Variants in VWA2 observed in about 807,000 individuals in gnomAD.
VWA2 encodes the protein von Willebrand factor A domain containing 2, also known as von Willebrand factor A domain-containing protein 2.
Under a neutral mutation model 70.4 loss-of-function variants are expected in VWA2, and 73 were observed. The ratio of observed to expected loss-of-function variants is 1.04; its 90% CI spans 0.86 to 1.26. The LOEUF is 1.26. Among genes scored for constraint, VWA2 ranks in the 50% most tolerant of loss-of-function variants. The pLI, the probability that VWA2 is intolerant of heterozygous loss-of-function variation, is 0.00. For synonymous variants in VWA2, 407 were observed against 423.3 expected (o/e 0.96, Z 0.47); for missense variants, 1,011 against 998.5 (o/e 1.01, Z -0.17).
At chr10:114,265,262 A>G (rs536837613) in intron 5 of VWA2, among the ~76,000 whole-genome samples, 6 of 152,330 alleles carry the variant, frequency 3.9e-5, no homozygotes, top group African/African-American at 1.4e-4. Flanking sequence ...TAAGTTATCA[A>G]TAAGGTAGTT....
rs1404617283 is a variant in VWA2, at chr10:114,293,730, T to A, written c.*2493T>A. Among the ~76,000 whole-genome samples, 1 of 152,236 alleles carries A rather than the reference T, an allele frequency of 6.6e-6. No homozygotes were observed. The highest frequency in any genetic ancestry group is 1.5e-5 in the Non-Finnish European group (1 of 68,038). ...TTTCTCTGAACGATCCTGATTCCAG[T>A]CATCTTGTTGAATACCCTAGTTCTA... On this transcript the variant is annotated 3_prime_UTR_variant, in exon 14 of 14. Transcript: ENST00000392982.
chr10:114,291,619 A>G lies in VWA2; in HGVS notation c.*382A>G, dbSNP rs77934399. ...GCGGCCTGACGTTCCTTTGCACACA[A>G]TCAATGCTCGCCAGAATGTTGTTGA... On this transcript the variant is annotated 3_prime_UTR_variant, in exon 14 of 14. Coordinates refer to ENST00000392982, the MANE Select transcript of VWA2 (RefSeq NM_001272046.2). 4.8e-6 allele frequency: 1 copy of G among 206,608 alleles called. No individual in the cohort carries two copies. The highest frequency in any genetic ancestry group is 5.2e-5 in the Admixed American group (1 of 19,146). 12.8% of individuals were successfully genotyped at this position (206,608 alleles called of 1,614,324 possible).
At chr10:114,246,204 G>T in intron 1 of VWA2, 1 of 1,128,056 alleles carries the variant, frequency 8.9e-7, no homozygotes, top group South Asian at 1.2e-5. Context: ...ACCTACAAAA[G>T]AATATCACGG....
Position 114,291,515 on chromosome 10 carries a change from C to T in VWA2, c.*278C>T. 1 of 437,790 alleles carries T rather than the reference C, an allele frequency of 2.3e-6. No individual in the cohort carries two copies. The allele number at this position is 437,790 out of a possible 1,614,324, so 27.1% of individuals were successfully genotyped here. On this transcript the variant is annotated 3_prime_UTR_variant, in exon 14 of 14. Coordinates refer to ENST00000392982, the MANE Select transcript of VWA2 (RefSeq NM_001272046.2). ...GTAAGTAAATACCCACTTTCTGTAC[C>T]TGCTGTGCCTTGTTGAGGCTATGTC...
chr10:114,253,866 A>C lies in VWA2; in HGVS notation c.127+141A>C, dbSNP rs559116377. 4 of 787,998 alleles carry C rather than the reference A, an allele frequency of 5.1e-6. No homozygotes were observed. In the African/African-American group the frequency reaches 5.3e-5, roughly 11 times the overall value. 48.8% of individuals were successfully genotyped at this position (787,998 alleles called of 1,614,324 possible). A position where few individuals can be genotyped will look rare whatever the true frequency, so the allele number is the denominator to read the frequency against. On this transcript the variant is annotated intron_variant, in intron 3 of 13. Transcript: ENST00000392982. ...GCTCTGGCCAGAGTCATTTTCCCCAAACAGGGACCTGACCAAATCACTTGG... is the reference window on the plus strand; with the variant it reads ...GCTCTGGCCAGAGTCATTTTCCCCACACAGGGACCTGACCAAATCACTTGG...
intron 4 of VWA2, among the ~76,000 whole-genome samples, chr10:114,257,262 C>T (rs1443335242): frequency 6.6e-6 from 1 of 152,156 alleles, no homozygotes; most frequent in Non-Finnish European, 1.5e-5. Flanking sequence ...AAGGGCCAGG[C>T]AAGAAGCGCC....
At chr10:114,246,722 C>A in intron 1 of VWA2, 1 of 1,528,636 alleles carries the variant, frequency 6.5e-7, no homozygotes, top group Non-Finnish European at 9.1e-7. Flanking sequence ...TCTTAGGAAT[C>A]GTGCAGGGGG....
At chr10:114,240,189 G>C (rs1361509233) in intron 1 of VWA2, among the ~76,000 whole-genome samples, 1 of 152,164 alleles carries the variant, frequency 6.6e-6, no homozygotes, top group South Asian at 2.1e-4. Context: ...GGGGTTTGTC[G>C]TTCTGGTGAC....
chr10:114,273,723 G>C (rs1010250253), intron 6 of VWA2, among the ~76,000 whole-genome samples: 1 of 152,154 alleles, frequency 6.6e-6, no homozygotes, highest in African/African-American at 2.4e-5. Flanking sequence ...TAATTTCTCA[G>C]TTAATAAATC....
rs1249437320 is a variant in VWA2 at position 114,293,725 on chromosome 10, T to A, written c.*2488T>A. 6.6e-6 allele frequency among the ~76,000 whole-genome samples: 1 copy of A among 152,224 alleles called. No homozygotes were observed. Among genetic ancestry groups the A allele is most frequent in the East Asian group, 1.9e-4 (1 of 5,202 alleles). Reference sequence around the variant, plus strand: ...CTTATTTTCTCTGAACGATCCTGATTCCAGTCATCTTGTTGAATACCCTAG... The same window carrying A: ...CTTATTTTCTCTGAACGATCCTGATACCAGTCATCTTGTTGAATACCCTAG... On this transcript the variant is annotated 3_prime_UTR_variant, in exon 14 of 14. Coordinates refer to ENST00000392982, the MANE Select transcript of VWA2 (RefSeq NM_001272046.2).
At chr10:114,255,238 T>C (rs2037300381) in intron 4 of VWA2, among the ~76,000 whole-genome samples, 190 bp downstream of exon 4, 1 of 151,918 alleles carries the variant, frequency 6.6e-6, no homozygotes, top group South Asian at 2.1e-4. Context: ...TCTTTTTTTT[T>C]TTTTCCCTTC....
At chr10:114,284,395 T>C (rs1476894218) in intron 9 of VWA2, among the ~76,000 whole-genome samples, 2 of 152,136 alleles carry the variant, frequency 1.3e-5, no homozygotes, top group African/African-American at 4.8e-5. Flanking sequence ...TTAATTAAGG[T>C]GCCGGAGGAA....
chr10:114,290,735 T>A, intron 13 of VWA2, among the ~76,000 whole-genome samples: 1 of 152,114 alleles, frequency 6.6e-6, no homozygotes, highest in East Asian at 1.9e-4. Flanking sequence ...GGTACAGGGA[T>A]GTAGACGGAG....
rs1437675916 is a variant in VWA2 at position 114,290,201 on chromosome 10, G to A, written c.2123-39G>A. The stretch of plus-strand genomic sequence containing the variant: ...GTAGGGGTCTTCGGGTCTAACCCAT[G>A]CCTGGCCGGCCTGGTGGGTATGGTG... On this transcript the variant is annotated intron_variant, in intron 12 of 13. Transcript: ENST00000392982. 3.2e-6 allele frequency: 5 copies of A among 1,548,002 alleles called. No individual in the cohort carries two copies. In the South Asian group the frequency reaches 4.8e-5, roughly 15 times the overall value.
rs79009215 is a variant in VWA2 at position 114,286,037 on chromosome 10, G to A, written c.1096G>A (p.Val366Met). The A allele has an allele frequency of 0.012, 19,842 of 1,614,142 alleles. 154 individuals are homozygous for A. The highest frequency in any genetic ancestry group is 0.014 in the Non-Finnish European group (16,252 of 1,180,028). Residue 366 changes from valine to methionine, a missense_variant, in exon 11 of 14, where the codon GTG becomes ATG. By Grantham distance (21) the Val-to-Met change is conservative. Transcript: ENST00000392982. ...LDGFLRAKVF[V>M]KRFVRAVLSE... ...CGGCTTCCTGCGGGCCAAAGTCTTC[G>A]TGAAGCGGTTTGTGCGGGCCGTGCT...
intron 1 of VWA2, chr10:114,245,967 C>A: frequency 2.1e-6 from 1 of 476,452 alleles, no homozygotes; most frequent in Non-Finnish European, 4.0e-6. Context: ...AATCTGGTGG[C>A]ATCATGGAAA....
Position 114,293,581 on chromosome 10 carries a change from T to C in VWA2, c.*2344T>C, listed in dbSNP as rs888520744. ...ATCCTATGGCCTAACTAGCCAAGCC[T>C]TTTTTCTTTCATTTAAAAGAAATTA... is the stretch of plus-strand genomic sequence containing the variant. On this transcript the variant is annotated 3_prime_UTR_variant, in exon 14 of 14. Coordinates refer to ENST00000392982, the MANE Select transcript of VWA2 (RefSeq NM_001272046.2). Among the ~76,000 whole-genome samples the C allele has an allele frequency of 2.6e-5, 4 of 152,230 alleles. No individual in the cohort carries two copies. Among genetic ancestry groups the C allele is most frequent in the African/African-American group, 9.7e-5 (4 of 41,450 alleles).
intron 4 of VWA2, among the ~76,000 whole-genome samples, chr10:114,255,318 G>A (rs1027022778): frequency 6.6e-6 from 1 of 151,236 alleles, no homozygotes; most frequent in Admixed American, 6.6e-5. Flanking sequence ...AAGTTGTCCT[G>A]CATTGTTCCT....
At chr10:114,247,557 C>T (rs1201305599) in intron 1 of VWA2, among the ~76,000 whole-genome samples, 1 of 151,990 alleles carries the variant, frequency 6.6e-6, no homozygotes, top group Non-Finnish European at 1.5e-5. Flanking sequence ...CCTCGGCCTC[C>T]CAAAGTGCTG....
Sources: allele counts gnomAD v4.1 joint callset (sites outside exome capture counted in the v4.1 genomes callset), GRCh38; gene constraint gnomAD v4.1.1; transcripts MANE v1.5; gene names NCBI Gene and HGNC (gene_info 2026-07-23, HGNC 2026-07-21).